NRXN1: variants seen among roughly 807,000 people sequenced by gnomAD.
NRXN1 encodes neurexin-1.
NRXN1 carries 39 observed loss-of-function variants against 150.9 expected under a neutral mutation model. The observed-to-expected ratio is 0.26, with a 90% CI of 0.20 to 0.34. The LOEUF is 0.34. Ranked by LOEUF, NRXN1 falls within the 10% of genes least tolerant of loss-of-function variation. The pLI, the probability that NRXN1 is intolerant of heterozygous loss-of-function variation, is 1.00. For synonymous variants in NRXN1, 924 were observed against 757.0 expected (o/e 1.22, Z -3.62); for missense variants, 1,815 against 1,949.9 (o/e 0.93, Z 1.30).
rs150638077 is a variant in NRXN1 at position 50,868,991 on chromosome 2, C to T, written c.832+52878G>A. Among the ~76,000 whole-genome samples, 747 of 151,854 alleles carry T rather than the reference C, an allele frequency of 4.9e-3. 6 individuals are homozygous for T. The highest frequency in any genetic ancestry group is 0.017 in the African/African-American group (711 of 41,512). Reference sequence around the variant, plus strand: ...AATTTTAAGGCAAAACAATGTAATACAAATAAATAACAAAAGCTGATATTC... The same window carrying T: ...AATTTTAAGGCAAAACAATGTAATATAAATAAATAACAAAAGCTGATATTC... On this transcript the variant is annotated intron_variant, in intron 5 of 22. Coordinates refer to ENST00000401669, the MANE Select transcript of NRXN1 (RefSeq NM_001330078.2).
intron 17 of NRXN1, among the ~76,000 whole-genome samples, chr2:50,463,397 C>T (rs186636072): frequency 3.3e-5 from 5 of 151,728 alleles, no homozygotes; most frequent in Admixed American, 2.0e-4. Context: ...AGCCAAGGAA[C>T]CATTTCACAT....
chr2:50,263,919 C>A (rs2068575150), intron 17 of NRXN1, among the ~76,000 whole-genome samples: 1 of 152,086 alleles, frequency 6.6e-6, no homozygotes, highest in Non-Finnish European at 1.5e-5. Context: ...CTTTGGAGAT[C>A]ATTTAGCAAG....
At chr2:49,964,143 TA>T (rs1676492408) in intron 21 of NRXN1, among the ~76,000 whole-genome samples, 1 of 152,318 alleles carries the variant, frequency 6.6e-6, no homozygotes, top group South Asian at 2.1e-4. Flanking sequence ...AAGATTACAT[TA>T]AAAGCTACAC....
At chr2:49,994,202 G>A (rs2152524159) in intron 21 of NRXN1, among the ~76,000 whole-genome samples, 1 of 152,304 alleles carries the variant, frequency 6.6e-6, no homozygotes, top group East Asian at 1.9e-4. Context: ...GCTCTTCAAT[G>A]TGTTGATGAC....
intron 5 of NRXN1, among the ~76,000 whole-genome samples, chr2:50,644,902 C>T (rs1037948401): frequency 1.4e-5 from 2 of 145,882 alleles, no homozygotes; most frequent in African/African-American, 5.5e-5. Flanking sequence ...TTCAAATGCA[C>T]AGCTCTTATA....
chr2:50,441,639 C>T (rs2104453818), intron 17 of NRXN1, among the ~76,000 whole-genome samples: 1 of 152,168 alleles, frequency 6.6e-6, no homozygotes, highest in African/African-American at 2.4e-5. Flanking sequence ...AACAAATCGT[C>T]TGTATAACTT....
chr2:50,064,351 C>T (rs1695023604), intron 19 of NRXN1, among the ~76,000 whole-genome samples: 1 of 151,796 alleles, frequency 6.6e-6, no homozygotes, highest in Non-Finnish European at 1.5e-5. Context: ...TGATTAATTA[C>T]AAGTCAATGA....
intron 21 of NRXN1, among the ~76,000 whole-genome samples, chr2:50,001,057 A>T (rs887647908): frequency 6.6e-6 from 1 of 152,190 alleles, no homozygotes; most frequent in Admixed American, 6.5e-5. Context: ...AAGAGAGAAT[A>T]GGTACTAGCT....
At chr2:50,125,578 A>C (rs189227335) in intron 18 of NRXN1, among the ~76,000 whole-genome samples, 1 of 152,226 alleles carries the variant, frequency 6.6e-6, no homozygotes, top group Admixed American at 6.5e-5. Context: ...AAGAGAGCAA[A>C]GATAAATCAC....
intron 18 of NRXN1, among the ~76,000 whole-genome samples, chr2:50,192,601 A>G (rs538121445): frequency 2.1e-5 from 3 of 140,092 alleles, no homozygotes; most frequent in Non-Finnish European, 4.6e-5. Context: ...AAGAATATAT[A>G]CTTTTTTTTG....
intron 17 of NRXN1, among the ~76,000 whole-genome samples, chr2:50,374,627 G>A (rs1180235631): frequency 3.3e-5 from 5 of 152,042 alleles, no homozygotes; most frequent in African/African-American, 1.2e-4. Flanking sequence ...ATTTATTTAA[G>A]TGACTTACCT....
At chr2:49,997,465 G>A (rs777093305) in intron 21 of NRXN1, among the ~76,000 whole-genome samples, 2 of 152,196 alleles carry the variant, frequency 1.3e-5, no homozygotes, top group East Asian at 1.9e-4. Flanking sequence ...ATGAATTCAC[G>A]AATGGAGAAA....
At chr2:50,281,217 T>A (rs1029970737) in intron 17 of NRXN1, among the ~76,000 whole-genome samples, 2 of 151,144 alleles carry the variant, frequency 1.3e-5, no homozygotes, top group Non-Finnish European at 2.9e-5. Flanking sequence ...CTCGGGAGGC[T>A]GAGGCAGGAG....
rs1488688107 is a variant in NRXN1, at chr2:50,811,774, AC to A, written c.832+110094del. On this transcript the variant is annotated intron_variant, in intron 5 of 22. Coordinates refer to ENST00000401669, the MANE Select transcript of NRXN1 (RefSeq NM_001330078.2). ...AAAAGAAGATAAAAATCTAATAGAG[AC>A]TTTCAGAAGGTCAAATATGAAAGAT... 5.3e-5 allele frequency among the ~76,000 whole-genome samples: 8 copies of A among 152,294 alleles called. No homozygotes were observed. The South Asian group carries it at 1.5e-3, about 28-fold the overall frequency.
intron 15 of NRXN1, among the ~76,000 whole-genome samples, chr2:50,494,431 T>G (rs2091444408): frequency 6.6e-6 from 1 of 152,058 alleles, no homozygotes; most frequent in Non-Finnish European, 1.5e-5. Flanking sequence ...CAGGGGGCCA[T>G]GAAAAATACA....
At chr2:50,499,745 T>G (rs2091846324) in intron 13 of NRXN1, among the ~76,000 whole-genome samples, 1 of 151,834 alleles carries the variant, frequency 6.6e-6, no homozygotes, top group Admixed American at 6.6e-5. Flanking sequence ...GTCAGGAGTT[T>G]GAGACCAGCC....
chr2:49,995,699 T>A (rs1033499449), intron 21 of NRXN1, among the ~76,000 whole-genome samples: 30 of 133,994 alleles, frequency 2.2e-4, no homozygotes, highest in Non-Finnish European at 6.1e-5. Context: ...GAGAATGGCG[T>A]AAACCTGGGA....
At chr2:50,186,682 C>T (rs1362752786) in intron 18 of NRXN1, among the ~76,000 whole-genome samples, 5 of 151,994 alleles carry the variant, frequency 3.3e-5, no homozygotes, top group Non-Finnish European at 7.4e-5. Flanking sequence ...GTATGCTTTA[C>T]TCAAAGGCCG....
chr2:49,969,387 T>G (rs867301911), intron 21 of NRXN1, among the ~76,000 whole-genome samples: 1 of 152,028 alleles, frequency 6.6e-6, no homozygotes, highest in African/African-American at 2.4e-5. Flanking sequence ...AGTTCATACA[T>G]GGAAAATTGA....
Sources: gnomAD v4.1 joint callset for allele counts (sites outside exome capture counted in the v4.1 genomes callset) on GRCh38, gnomAD v4.1.1 for gene constraint, MANE v1.5 for transcripts, NCBI Gene and HGNC (gene_info 2026-07-23, HGNC 2026-07-21) for gene names.